Variants in RALGAPA2 observed in about 807,000 individuals in gnomAD.
RALGAPA2 encodes ral GTPase-activating protein subunit alpha-2.
RALGAPA2 carries 139 observed loss-of-function variants against 230.4 expected under a neutral mutation model. The observed-to-expected ratio is 0.60, with a 90% confidence interval of 0.53 to 0.69. RALGAPA2 has a LOEUF of 0.69. Ranked by LOEUF, RALGAPA2 falls within the 30% of genes least tolerant of loss-of-function variation. The pLI is 0.00. For missense variants in RALGAPA2, 2,163 were observed against 2,276.0 expected, an observed-to-expected ratio of 0.95 and a Z score of 1.01; for synonymous variants, 847 against 837.8, an observed-to-expected ratio of 1.01 and a Z score of -0.19.
At chr20:20,634,875 C>A (rs757830655) in intron 9 of RALGAPA2, among the ~76,000 whole-genome samples, 2 of 152,174 alleles carry the variant, frequency 1.3e-5, no homozygotes, top group Non-Finnish European at 2.9e-5. Flanking sequence ...AGGCCCCACA[C>A]AAGGAGAGGT....
Position 20,604,672 on chromosome 20 carries a change from AT to A in RALGAPA2, c.2038+502del, listed in dbSNP as rs577112932. 3.3e-3 allele frequency among the ~76,000 whole-genome samples: 472 copies of A among 142,424 alleles called. 1 individual carries two copies. Among genetic ancestry groups the A allele is most frequent in the Middle Eastern group, 7.2e-3 (2 of 278 alleles). 93.4% of individuals were successfully genotyped at this position (142,424 alleles called of 152,430 possible). ...GTAAACTTTCTTAAAACATTATGAG[AT>A]TTTTTTTTTTTTTGCAATTTCTTTT... On this transcript the variant is annotated intron_variant, in intron 15 of 39. Transcript: ENST00000202677.
intron 36 of RALGAPA2, among the ~76,000 whole-genome samples, chr20:20,493,852 T>C (rs1423604220): frequency 6.6e-6 from 1 of 152,162 alleles, no homozygotes; most frequent in Non-Finnish European, 1.5e-5. Context: ...TAAAAAATGA[T>C]GCAAATATTT....
At chr20:20,552,996 G>A (rs576855864) in intron 23 of RALGAPA2, among the ~76,000 whole-genome samples, 10 of 152,122 alleles carry the variant, frequency 6.6e-5, no homozygotes, top group South Asian at 2.1e-4. Flanking sequence ...AGAGCACGGC[G>A]CCAATACTTC....
At chr20:20,683,963 G>T (rs1239773804) in intron 1 of RALGAPA2, among the ~76,000 whole-genome samples, 1 of 152,188 alleles carries the variant, frequency 6.6e-6, no homozygotes, top group African/African-American at 2.4e-5. Context: ...CACACTTAAT[G>T]TAACTTCTGA....
At chr20:20,662,397 G>T (rs893428773) in intron 3 of RALGAPA2, among the ~76,000 whole-genome samples, 1 of 151,766 alleles carries the variant, frequency 6.6e-6, no homozygotes, top group African/African-American at 2.4e-5. Flanking sequence ...ATTGTGATTC[G>T]CATATAACAA....
At chr20:20,460,782 C>T (rs1374113995) in intron 37 of RALGAPA2, among the ~76,000 whole-genome samples, 1 of 152,212 alleles carries the variant, frequency 6.6e-6, no homozygotes, top group East Asian at 1.9e-4. Context: ...CATACCAGCT[C>T]TGACAGCACA....
intron 36 of RALGAPA2, among the ~76,000 whole-genome samples, chr20:20,489,818 G>C (rs1231296977): frequency 2.6e-5 from 4 of 152,300 alleles, no homozygotes; most frequent in African/African-American, 7.2e-5. Context: ...GCTGTCTCTT[G>C]AGCCAAAAGG....
chr20:20,461,564 C>T (rs909528907), intron 37 of RALGAPA2, among the ~76,000 whole-genome samples: 3 of 152,222 alleles, frequency 2.0e-5, no homozygotes, highest in East Asian at 1.9e-4. Flanking sequence ...ATCAGCTCTA[C>T]GCCTTCTTTA....
intron 31 of RALGAPA2, among the ~76,000 whole-genome samples, chr20:20,515,353 G>C (rs1239653305): frequency 6.6e-6 from 1 of 152,240 alleles, no homozygotes; most frequent in Non-Finnish European, 1.5e-5. Context: ...GGGAAGGACA[G>C]AATAGTGTGT....
At chr20:20,410,336 T>C (rs570570590) in intron 38 of RALGAPA2, among the ~76,000 whole-genome samples, 94 of 152,366 alleles carry the variant, frequency 6.2e-4, no homozygotes, top group African/African-American at 2.2e-3. Context: ...AATATCTTAA[T>C]AATCTTAAGA....
intron 16 of RALGAPA2, among the ~76,000 whole-genome samples, chr20:20,596,357 T>C (rs994593611): frequency 1.3e-5 from 2 of 152,242 alleles, no homozygotes; most frequent in African/African-American, 4.8e-5. Context: ...TTAGCAATCA[T>C]GTTAACTTAA....
At chr20:20,696,884 A>G (rs2069133849) in intron 1 of RALGAPA2, among the ~76,000 whole-genome samples, 1 of 152,050 alleles carries the variant, frequency 6.6e-6, no homozygotes. Flanking sequence ...ATTGTATCAT[A>G]TATTTATTAT....
intron 1 of RALGAPA2, among the ~76,000 whole-genome samples, chr20:20,687,973 G>A (rs1022962747): frequency 2.6e-5 from 4 of 152,056 alleles, no homozygotes; most frequent in Admixed American, 6.6e-5. Flanking sequence ...AGTATGTTTC[G>A]GTACCTCCTA....
intron 1 of RALGAPA2, among the ~76,000 whole-genome samples, chr20:20,704,542 T>A (rs2069520146): frequency 6.6e-6 from 1 of 152,122 alleles, no homozygotes; most frequent in Non-Finnish European, 1.5e-5. Context: ...TTCCTCTCAC[T>A]CTCCACCTCT....
At chr20:20,401,319 C>G (rs2059831420) in intron 38 of RALGAPA2, among the ~76,000 whole-genome samples, 1 of 152,012 alleles carries the variant, frequency 6.6e-6, no homozygotes, top group Non-Finnish European at 1.5e-5. Flanking sequence ...CCCTGGGGCA[C>G]CCAGGCAAGC....
At chr20:20,665,701 A>C (rs2067936234) in intron 3 of RALGAPA2, among the ~76,000 whole-genome samples, 1 of 152,264 alleles carries the variant, frequency 6.6e-6, no homozygotes, top group South Asian at 2.1e-4. Flanking sequence ...AAAATGGACC[A>C]CATGTTTATA....
intron 3 of RALGAPA2, among the ~76,000 whole-genome samples, chr20:20,662,449 G>T (rs1420895829): frequency 6.6e-6 from 1 of 151,970 alleles, no homozygotes; most frequent in East Asian, 1.9e-4. Context: ...CCATAGACTT[G>T]AATTTCCTAC....
chr20:20,439,450 C>T (rs1168037230), intron 37 of RALGAPA2, among the ~76,000 whole-genome samples: 1 of 152,104 alleles, frequency 6.6e-6, no homozygotes, highest in African/African-American at 2.4e-5. Flanking sequence ...AGAGCTTAAG[C>T]GATCCACTGG....
chr20:20,640,053 G>T (rs1160226075), intron 6 of RALGAPA2, among the ~76,000 whole-genome samples, 153 bp from the exon 7 acceptor site: 4 of 152,082 alleles, frequency 2.6e-5, no homozygotes, highest in Non-Finnish European at 4.4e-5. Flanking sequence ...GTGCATAAAG[G>T]GCCTGGAAAC....
Sources: gnomAD v4.1 joint callset for allele counts (sites outside exome capture counted in the v4.1 genomes callset) on GRCh38, gnomAD v4.1.1 for gene constraint, MANE v1.5 for transcripts, NCBI Gene and HGNC (gene_info 2026-07-23, HGNC 2026-07-21) for gene names.